The following B3GALT1 variants were observed in gnomAD, a reference collection of about 807,000 sequenced individuals.
B3GALT1 encodes beta-1,3-galactosyltransferase 1.
Under a neutral mutation model 23.2 loss-of-function variants are expected in B3GALT1, and 10 were observed. The ratio of observed to expected loss-of-function variants is 0.43; its 90% CI spans 0.27 to 0.73. The LOEUF (loss-of-function observed/expected upper bound fraction) is 0.73, where lower values mean the gene tolerates loss of function less well. B3GALT1 is among the 30% of genes least tolerant of loss of function. The pLI is 0.21. For synonymous variants in B3GALT1, 156 were observed against 141.5 expected (o/e 1.10, Z -0.73); for missense variants, 299 against 405.4 (o/e 0.74, Z 2.25).
intron 1 of B3GALT1, among the ~76,000 whole-genome samples, chr2:167,303,682 C>CACACACACACACAG (rs535369991): frequency 5.4e-5 from 8 of 148,724 alleles, no homozygotes; most frequent in East Asian, 4.1e-4. Flanking sequence ...CACACACACA[C>CACACACACACACAG]AGAGAGAGAC....
chr2:167,607,274 G>A lies in B3GALT1; in HGVS notation c.-409-39635G>A, dbSNP rs370623123. Among the ~76,000 whole-genome samples, 82 of 152,258 alleles carry A rather than the reference G, an allele frequency of 5.4e-4. 1 individual carries two copies. Among genetic ancestry groups the A allele is most frequent in the African/African-American group, 1.8e-3 (74 of 41,554 alleles). ...ACATTCTTAGAAATGTAATGCTATCGTTTTCCTTTTTTGCTCAGTCATAGT... is the reference window on the plus strand; with the variant it reads ...ACATTCTTAGAAATGTAATGCTATCATTTTCCTTTTTTGCTCAGTCATAGT... On this transcript the variant is annotated intron_variant, in intron 2 of 4. Transcript: ENST00000392690.
At chr2:167,645,275 T>C (rs758825876) in intron 2 of B3GALT1, among the ~76,000 whole-genome samples, 1 of 152,014 alleles carries the variant, frequency 6.6e-6, no homozygotes, top group Non-Finnish European at 1.5e-5. Flanking sequence ...AATACTTTTA[T>C]GAAACAAGAA....
chr2:167,656,595 C>T (rs1685959329), intron 3 of B3GALT1, among the ~76,000 whole-genome samples: 1 of 152,000 alleles, frequency 6.6e-6, no homozygotes, highest in Non-Finnish European at 1.5e-5. Context: ...GTGCTTCCAG[C>T]ATGTAATTGG....
At chr2:167,410,370 A>T (rs577421095) in intron 1 of B3GALT1, among the ~76,000 whole-genome samples, 29 of 152,192 alleles carry the variant, frequency 1.9e-4, no homozygotes, top group African/African-American at 7.0e-4. Context: ...AGACGCCTGT[A>T]GTCACAGCTA....
chr2:167,774,491 T>G (rs13429135), intron 3 of B3GALT1, among the ~76,000 whole-genome samples: 19 of 80,916 alleles, frequency 2.3e-4, no homozygotes, highest in Admixed American at 1.7e-4. Flanking sequence ...TTTTGTTTTT[T>G]TTTTTGTTTT....
chr2:167,671,118 A>T (rs1034570479), intron 3 of B3GALT1, among the ~76,000 whole-genome samples: 1 of 152,222 alleles, frequency 6.6e-6, no homozygotes, highest in African/African-American at 2.4e-5. Context: ...CAAAGGATGT[A>T]ACAATTATAT....
chr2:167,722,659 G>C (rs1216131245), intron 3 of B3GALT1, among the ~76,000 whole-genome samples: 9 of 152,170 alleles, frequency 5.9e-5, no homozygotes, highest in Admixed American at 4.6e-4. Context: ...CAAACCATAA[G>C]CTGATGGCTT....
chr2:167,598,731 A>T (rs1684825408), intron 2 of B3GALT1, among the ~76,000 whole-genome samples: 1 of 152,140 alleles, frequency 6.6e-6, no homozygotes, highest in Non-Finnish European at 1.5e-5. Flanking sequence ...GGCTTCCTTT[A>T]TTAAATCTAG....
chr2:167,668,623 C>G (rs947794932), intron 3 of B3GALT1, among the ~76,000 whole-genome samples: 1 of 152,208 alleles, frequency 6.6e-6, no homozygotes, highest in Non-Finnish European at 1.5e-5. Flanking sequence ...TTAGGACCCT[C>G]CAAGCCATGT....
intron 1 of B3GALT1, among the ~76,000 whole-genome samples, chr2:167,358,359 T>C (rs1052004467): frequency 3.9e-5 from 6 of 152,202 alleles, no homozygotes; most frequent in Non-Finnish European, 8.8e-5. Flanking sequence ...TTATGGGCTA[T>C]TGATTACATC....
intron 1 of B3GALT1, among the ~76,000 whole-genome samples, chr2:167,391,349 T>C (rs544820883): frequency 6.6e-6 from 1 of 152,364 alleles, no homozygotes; most frequent in South Asian, 2.1e-4. Flanking sequence ...TCTTTTATTT[T>C]AGCTCATTTG....
At chr2:167,317,659 AT>A (rs1411075773) in intron 1 of B3GALT1, among the ~76,000 whole-genome samples, 2 of 152,152 alleles carry the variant, frequency 1.3e-5, no homozygotes, top group African/African-American at 2.4e-5. Context: ...AAGTCAGATA[AT>A]TAAGAATAAC....
chr2:167,681,259 T>TA (rs1162730712), intron 3 of B3GALT1, among the ~76,000 whole-genome samples: 4 of 152,064 alleles, frequency 2.6e-5, no homozygotes, highest in Admixed American at 1.3e-4. Context: ...TATATATATA[T>TA]TTTTTTAATC....
chr2:167,529,791 T>C (rs960223924), intron 2 of B3GALT1, among the ~76,000 whole-genome samples: 1 of 151,966 alleles, frequency 6.6e-6, no homozygotes, highest in Non-Finnish European at 1.5e-5. Flanking sequence ...TTGCTACCCC[T>C]CTGGTACAAG....
intron 3 of B3GALT1, among the ~76,000 whole-genome samples, chr2:167,665,606 G>C (rs1350429479): frequency 6.6e-6 from 1 of 151,712 alleles, no homozygotes; most frequent in African/African-American, 2.4e-5. Context: ...ACTCTTTTTG[G>C]TTGGTAAGCT....
At chr2:167,685,687 T>C (rs933751611) in intron 3 of B3GALT1, among the ~76,000 whole-genome samples, 4 of 152,198 alleles carry the variant, frequency 2.6e-5, no homozygotes, top group African/African-American at 4.8e-5. Context: ...CCAGGTCTTA[T>C]AAGGCTTTGT....
At chr2:167,719,522 C>G (rs1389536272) in intron 3 of B3GALT1, among the ~76,000 whole-genome samples, 1 of 152,132 alleles carries the variant, frequency 6.6e-6, no homozygotes, top group African/African-American at 2.4e-5. Flanking sequence ...TAATAGAATC[C>G]TAGTCCCAAC....
intron 2 of B3GALT1, among the ~76,000 whole-genome samples, 52 bp from the exon 3 acceptor site, chr2:167,646,857 A>C (rs1327020834): frequency 1.3e-5 from 2 of 152,196 alleles, no homozygotes; most frequent in African/African-American, 2.4e-5. Flanking sequence ...TTTTATTTGC[A>C]GCATTTATAA....
chr2:167,349,322 A>T (rs1314517331), intron 1 of B3GALT1, among the ~76,000 whole-genome samples: 1 of 152,082 alleles, frequency 6.6e-6, no homozygotes, highest in Non-Finnish European at 1.5e-5. Context: ...CCACCCATGA[A>T]CCGTCTGTTA....
Sources: gnomAD v4.1 joint callset for allele counts (sites outside exome capture counted in the v4.1 genomes callset) on GRCh38, gnomAD v4.1.1 for gene constraint, MANE v1.5 for transcripts, NCBI Gene and HGNC (gene_info 2026-07-23, HGNC 2026-07-21) for gene names.